CACNA2D4: variants seen among roughly 807,000 people sequenced by gnomAD.
CACNA2D4 encodes voltage-dependent calcium channel subunit alpha-2/delta-4.
In CACNA2D4, 157 loss-of-function variants were observed where a neutral mutation model predicts 163.8. That is an observed-to-expected ratio of 0.96 (90% CI 0.84 to 1.09). The LOEUF (loss-of-function observed/expected upper bound fraction) is 1.09. Ranked by LOEUF, CACNA2D4 falls within the 50% of genes least tolerant of loss-of-function variation. The pLI, the probability that CACNA2D4 is intolerant of heterozygous loss-of-function variation, is 0.00. For synonymous variants in CACNA2D4, 598 were observed against 586.9 expected, an observed-to-expected ratio of 1.02 and a Z score of -0.27; for missense variants, 1,410 against 1,479.9, an observed-to-expected ratio of 0.95 and a Z score of 0.78.
chr12:1,809,828 C>G (rs1159894928), intron 29 of CACNA2D4, among the ~76,000 whole-genome samples: 1 of 152,132 alleles, frequency 6.6e-6, no homozygotes, highest in Non-Finnish European at 1.5e-5. Context: ...CCAGACAGGA[C>G]AAGAACATGA....
At position 1,801,775 on chromosome 12, in the gene CACNA2D4, C is replaced by G; in HGVS notation, c.2722-131G>C. 5.0e-6 allele frequency: 3 copies of G among 605,196 alleles called. No individual in the cohort carries two copies. The East Asian group carries it at 8.6e-5, about 17-fold the overall frequency. The allele number at this position is 605,196 out of a possible 1,614,324, so 37.5% of individuals were successfully genotyped here. A position where few individuals can be genotyped will look rare whatever the true frequency, so the allele number is the denominator to read the frequency against. On this transcript the variant is annotated intron_variant, in intron 29 of 37. Transcript: ENST00000382722. ...CCAGTTGGGCTTTCCCTCTGACTGC[C>G]TCTCAGCATAATCCAGCTGAACCCT... is the stretch of plus-strand genomic sequence containing the variant.
chr12:1,899,537 G>A (rs1235527265), intron 6 of CACNA2D4, among the ~76,000 whole-genome samples: 1 of 152,094 alleles, frequency 6.6e-6, no homozygotes, highest in Non-Finnish European at 1.5e-5. Context: ...AATTTGAAAA[G>A]TCAGATAAAA....
intron 26 of CACNA2D4, among the ~76,000 whole-genome samples, chr12:1,812,602 C>T (rs1209943531): frequency 1.3e-5 from 2 of 152,274 alleles, no homozygotes; most frequent in Non-Finnish European, 2.9e-5. Flanking sequence ...ACCTCACATG[C>T]ATGAGTGTAT....
chr12:1,855,952 A>G, intron 22 of CACNA2D4, 60 bp downstream of exon 22: 1 of 1,340,902 alleles, frequency 7.5e-7, no homozygotes, highest in Non-Finnish European at 1.1e-6. Context: ...TCTCCTGGCA[A>G]AGTCCTGAAC....
chr12:1,830,977 C>T (rs947002910), intron 26 of CACNA2D4: 3 of 1,613,284 alleles, frequency 1.9e-6, no homozygotes, highest in Non-Finnish European at 2.5e-6. Flanking sequence ...GAGGCCCTCC[C>T]CACCTGCCCT....
At position 1,798,804 on chromosome 12, in the gene CACNA2D4, G is replaced by A. The variant is rs537903566; in HGVS notation, c.2995+871C>T. On this transcript the variant is annotated intron_variant, in intron 34 of 37. Transcript: ENST00000382722. The surrounding 1 kb of genome is among the most constrained non-coding windows in gnomAD (Gnocchi z 4.3). ...TGCAGCTGCTGACAGAGACAGAGGG[G>A]ACAGTGTCCTGTCACTGACACCTAG... 2.0e-5 allele frequency among the ~76,000 whole-genome samples: 3 copies of A among 152,256 alleles called. No homozygotes were observed. Among genetic ancestry groups the A allele is most frequent in the African/African-American group, 7.2e-5 (3 of 41,538 alleles).
intron 26 of CACNA2D4, among the ~76,000 whole-genome samples, chr12:1,814,192 G>A (rs927853562): frequency 2.0e-5 from 3 of 152,084 alleles, no homozygotes; most frequent in Non-Finnish European, 1.5e-5. Context: ...GTGTCAAGTC[G>A]CATAGAATCA....
rs1865200236 is a variant in CACNA2D4, at chr12:1,848,423, G to A, written c.2247-1734C>T. On this transcript the variant is annotated intron_variant, in intron 23 of 37. Transcript: ENST00000382722. ...GGCCGTGAGACCTCAGGGCCTGACC[G>A]GGTTCCGGTTTGTGTTTTTACAAGG... 2.0e-5 allele frequency among the ~76,000 whole-genome samples: 3 copies of A among 152,296 alleles called. No individual in the cohort carries two copies. In the South Asian group the frequency reaches 6.2e-4, roughly 32 times the overall value.
chr12:1,814,080 G>T (rs997816257), intron 26 of CACNA2D4, among the ~76,000 whole-genome samples: 1 of 152,168 alleles, frequency 6.6e-6, no homozygotes, highest in Non-Finnish European at 1.5e-5. Context: ...CCAGCTCTTC[G>T]GGATTGAAGA....
chr12:1,832,288 C>T lies in CACNA2D4; in HGVS notation c.2551+8451G>A, dbSNP rs1039554371. ...TGGTTACCCTTTCGCTGTGGCAGGG[C>T]CTGGTCTGTAAAGTGGGAAGGAAAC... On this transcript the variant is annotated intron_variant, in intron 26 of 37. Coordinates refer to ENST00000382722, the MANE Select transcript of CACNA2D4 (RefSeq NM_172364.5). Among the ~76,000 whole-genome samples, 4 of 152,142 alleles carry T rather than the reference C, an allele frequency of 2.6e-5. No homozygotes were observed. The South Asian group carries it at 6.2e-4, about 24-fold the overall frequency.
intron 23 of CACNA2D4, among the ~76,000 whole-genome samples, chr12:1,852,511 A>T (rs979220372): frequency 3.9e-5 from 6 of 152,064 alleles, no homozygotes; most frequent in Admixed American, 6.6e-5. Flanking sequence ...TCTCTACAAA[A>T]TTTTTTTAAA....
Position 1,834,640 on chromosome 12 carries a change from G to A in CACNA2D4, c.2551+6099C>T. The stretch of plus-strand genomic sequence containing the variant: ...CCTCCCTCATGGCCAAGTACCACCG[G>A]GAGCTCAAAAAGCGCCAGCCCCTGA... On this transcript the variant is annotated intron_variant, in intron 26 of 37. Transcript: ENST00000382722. This position sits in a 1 kb window ranked among gnomAD's most constrained non-coding sequence, Gnocchi z 7.6. 1 of 1,600,558 alleles carries A rather than the reference G, an allele frequency of 6.2e-7. No homozygotes were observed. Among genetic ancestry groups the A allele is most frequent in the Non-Finnish European group, 8.5e-7 (1 of 1,179,830 alleles).
Position 1,820,106 on chromosome 12 carries a change from C to G in CACNA2D4, c.2552-8383G>C, listed in dbSNP as rs1864030254. Among the ~76,000 whole-genome samples, 1 of 152,216 alleles carries G rather than the reference C, an allele frequency of 6.6e-6. No homozygotes were observed. Among genetic ancestry groups the G allele is most frequent in the Non-Finnish European group, 1.5e-5 (1 of 68,038 alleles). Reference sequence around the variant, plus strand: ...GGATGGGAGACTCTGCCTCGCATGTCTCTAAAACAGGAGAAAGACCAGCTT... The same window carrying G: ...GGATGGGAGACTCTGCCTCGCATGTGTCTAAAACAGGAGAAAGACCAGCTT... On this transcript the variant is annotated intron_variant, in intron 26 of 37. Coordinates refer to ENST00000382722, the MANE Select transcript of CACNA2D4 (RefSeq NM_172364.5). The surrounding 1 kb of genome is among the most constrained non-coding windows in gnomAD (Gnocchi z 6.0).
chr12:1,858,507 C>G (rs200603320), intron 20 of CACNA2D4, 70 bp downstream of exon 20: 1 of 1,423,942 alleles, frequency 7.0e-7, no homozygotes, highest in Non-Finnish European at 9.8e-7. Context: ...TGGGGTTGGC[C>G]CTGCCCAGTG....
chr12:1,884,932 C>T (rs760040723), intron 10 of CACNA2D4, 51 bp from the exon 11 acceptor site: 2 of 1,601,238 alleles, frequency 1.2e-6, no homozygotes, highest in Non-Finnish European at 8.6e-7. Flanking sequence ...CCACCCCCCT[C>T]CACCTGCCGC....
At chr12:1,851,288 A>C (rs1329795744) in intron 23 of CACNA2D4, among the ~76,000 whole-genome samples, 1 of 152,216 alleles carries the variant, frequency 6.6e-6, no homozygotes, top group Non-Finnish European at 1.5e-5. Flanking sequence ...TTTTAGAGCA[A>C]TTGGCTCATG....
chr12:1,897,693 A>G (rs891828018), intron 6 of CACNA2D4, among the ~76,000 whole-genome samples: 2 of 152,254 alleles, frequency 1.3e-5, no homozygotes, highest in Non-Finnish European at 2.9e-5. Flanking sequence ...AAAGGGATAG[A>G]GGAAAAAGTA....
intron 6 of CACNA2D4, among the ~76,000 whole-genome samples, chr12:1,905,160 T>G (rs1866627621): frequency 6.6e-6 from 1 of 152,060 alleles, no homozygotes; most frequent in African/African-American, 2.4e-5. Context: ...TTCACAAAAT[T>G]CTACATCCTT....
intron 18 of CACNA2D4, among the ~76,000 whole-genome samples, chr12:1,867,126 C>T (rs1016735295): frequency 3.3e-5 from 5 of 151,972 alleles, no homozygotes; most frequent in African/African-American, 1.2e-4. Flanking sequence ...AAGATTTTCT[C>T]TTACCTTTGG....
Sources: gnomAD v4.1 joint callset for allele counts (sites outside exome capture counted in the v4.1 genomes callset) on GRCh38, gnomAD v4.1.1 for gene constraint, Gnocchi (gnomAD v3.1) non-coding constraint, MANE v1.5 for transcripts, NCBI Gene and HGNC (gene_info 2026-07-23, HGNC 2026-07-21) for gene names.